Variants in SEPTIN7 observed in about 807,000 individuals in gnomAD.
The protein encoded by SEPTIN7 is septin-7.
Under a neutral mutation model 63.3 loss-of-function variants are expected in SEPTIN7, and 10 were observed. That is an observed-to-expected ratio of 0.16 (90% CI 0.10 to 0.27). The LOEUF (loss-of-function observed/expected upper bound fraction) is 0.27. SEPTIN7 is among the 10% of genes least tolerant of loss of function. The pLI, the probability that SEPTIN7 is intolerant of heterozygous loss-of-function variation, is 1.00. For synonymous variants in SEPTIN7, 131 were observed against 165.3 expected (o/e 0.79, Z 1.59); for missense variants, 310 against 521.0 (o/e 0.59, Z 3.94).
At chr7:35,810,280 A>G (rs1788604794) in intron 1 of SEPTIN7, among the ~76,000 whole-genome samples, 1 of 151,898 alleles carries the variant, frequency 6.6e-6, no homozygotes, top group African/African-American at 2.4e-5. Context: ...TGTCCTTCAA[A>G]TATAGACTGA....
intron 12 of SEPTIN7, chr7:35,902,217 T>G (rs547941277): frequency 2.0e-5 from 3 of 149,612 alleles, no homozygotes; most frequent in Non-Finnish European, 4.5e-5. Flanking sequence ...TTTGTTGACT[T>G]TTTTTTTTTT....
At chr7:35,831,103 C>T (rs1783812743) in intron 1 of SEPTIN7, among the ~76,000 whole-genome samples, 1 of 152,040 alleles carries the variant, frequency 6.6e-6, no homozygotes, top group Admixed American at 6.6e-5. Context: ...CTTCCTGGAT[C>T]TTTATACTTT....
chr7:35,812,184 C>G (rs1788770138), intron 1 of SEPTIN7: 1 of 164,366 alleles, frequency 6.1e-6, no homozygotes, highest in African/African-American at 2.4e-5. Context: ...AACTCAACTT[C>G]AGCTGTGGGC....
chr7:35,825,258 T>TC, intron 1 of SEPTIN7, among the ~76,000 whole-genome samples: 2 of 152,314 alleles, frequency 1.3e-5, no homozygotes, highest in South Asian at 4.1e-4. Context: ...AAGTCTAAGT[T>TC]CCTAAGTATG....
rs1444134255 is a variant in SEPTIN7 at position 35,882,551 on chromosome 7, A to G, written c.698A>G (p.Glu233Gly). 1 of 1,487,246 alleles carries G rather than the reference A, an allele frequency of 6.7e-7. No homozygotes were observed. Among genetic ancestry groups the G allele is most frequent in the Non-Finnish European group, 9.0e-7 (1 of 1,109,888 alleles). 92.1% of individuals were successfully genotyped at this position (1,487,246 alleles called of 1,614,324 possible). ...TTTCCAGAAACAGATGATGAAGAAG[A>G]AAATAAACTTGTTAAAAAGATAAAG... is the stretch of plus-strand genomic sequence containing the variant. ...YEFPETDDEE[E>G]NKLVKKIKDR... The change falls in exon 8 of 14, where the codon GAA becomes GGA. Residue 233 changes from glutamate to glycine, a missense_variant. This residue lies in a region of SEPTIN7 where 255 missense variants were observed against 490.5 expected (regional missense o/e 0.52). Transcript: ENST00000350320.
intron 11 of SEPTIN7, among the ~76,000 whole-genome samples, chr7:35,897,509 A>AT (rs113823652): frequency 3.9e-4 from 58 of 148,200 alleles, no homozygotes; most frequent in Middle Eastern, 3.5e-3. Context: ...CAGAGTGAAC[A>AT]TTTTTTTTTT....
intron 3 of SEPTIN7, among the ~76,000 whole-genome samples, chr7:35,858,681 CTTTTTTT>C (rs376678701): frequency 3.9e-5 from 5 of 127,318 alleles, no homozygotes; most frequent in East Asian, 2.4e-4. Context: ...TTTTCTTTTT[CTTTTTTT>C]TTTTTTTTTG....
At chr7:35,853,479 C>T (rs1320501623) in intron 3 of SEPTIN7, among the ~76,000 whole-genome samples, 7 of 152,116 alleles carry the variant, frequency 4.6e-5, no homozygotes, top group Non-Finnish European at 1.0e-4. Context: ...ATGTTCCTTT[C>T]GCCTGCTCAG....
At chr7:35,847,464 T>C (rs1212347728) in intron 3 of SEPTIN7, 1 of 154,752 alleles carries the variant, frequency 6.5e-6, no homozygotes, top group Non-Finnish European at 1.5e-5. Flanking sequence ...GAAATCTCTT[T>C]TAAATGTCAA....
chr7:35,880,514 TC>T (rs906737997), intron 7 of SEPTIN7, among the ~76,000 whole-genome samples: 1 of 152,010 alleles, frequency 6.6e-6, no homozygotes, highest in African/African-American at 2.4e-5. Context: ...GTCATTTTTT[TC>T]CCCCTTTTTG....
At chr7:35,819,648 T>C (rs976409956) in intron 1 of SEPTIN7, among the ~76,000 whole-genome samples, 2 of 152,206 alleles carry the variant, frequency 1.3e-5, no homozygotes, top group Non-Finnish European at 2.9e-5. Context: ...AATTGTTCTA[T>C]CTTCTCAATG....
chr7:35,868,157 A>G (rs1785933743), intron 4 of SEPTIN7, among the ~76,000 whole-genome samples: 1 of 152,190 alleles, frequency 6.6e-6, no homozygotes, highest in African/African-American at 2.4e-5. Flanking sequence ...GGTGTGAGCC[A>G]CCGCACCCAG....
At chr7:35,884,746 A>G (rs921993636) in intron 9 of SEPTIN7, among the ~76,000 whole-genome samples, 3 of 152,266 alleles carry the variant, frequency 2.0e-5, no homozygotes, top group Admixed American at 2.0e-4. Context: ...AGAGTAAAAA[A>G]ATTTCGTTAA....
intron 1 of SEPTIN7, among the ~76,000 whole-genome samples, chr7:35,822,108 C>A (rs1789455272): frequency 6.6e-6 from 1 of 151,062 alleles, no homozygotes; most frequent in Non-Finnish European, 1.5e-5. Context: ...GAGACAGAGT[C>A]TCGCTCTGTC....
At chr7:35,845,990 G>A (rs1280918471) in intron 3 of SEPTIN7, among the ~76,000 whole-genome samples, 1 of 151,878 alleles carries the variant, frequency 6.6e-6, no homozygotes, top group Non-Finnish European at 1.5e-5. Context: ...CAGATATTCA[G>A]ATATATGGCT....
chr7:35,828,233 A>G (rs1783617470), intron 1 of SEPTIN7, among the ~76,000 whole-genome samples: 1 of 152,106 alleles, frequency 6.6e-6, no homozygotes, highest in Non-Finnish European at 1.5e-5. Flanking sequence ...TCCAAATTTT[A>G]TCAGTATGTC....
In SEPTIN7 at chr7:35,885,874, G is replaced by A; in HGVS notation, c.867G>A (p.Leu289=). 1 of 1,596,782 alleles carries A rather than the reference G, an allele frequency of 6.3e-7. No individual in the cohort carries two copies. Among genetic ancestry groups the A allele is most frequent in the Non-Finnish European group, 8.6e-7 (1 of 1,166,380 alleles). The change falls in exon 10 of 14, where the codon TTG becomes TTA. Residue 289 remains leucine (L), a synonymous_variant. Coordinates refer to ENST00000350320, the MANE Select transcript of SEPTIN7 (RefSeq NM_001788.6). ...ATTTTACAATCCTAAGAAATATGTTGATAAGGTAAGTGCAAGCAATGATGG... is the reference window on the plus strand; with the variant it reads ...ATTTTACAATCCTAAGAAATATGTTAATAAGGTAAGTGCAAGCAATGATGG... The part of the protein sequence containing the change: ...HCDFTILRNM[L]IRTHMQDLKD...
chr7:35,850,286 A>G (rs1784897455), intron 3 of SEPTIN7, among the ~76,000 whole-genome samples: 1 of 152,204 alleles, frequency 6.6e-6, no homozygotes, highest in South Asian at 2.1e-4. Flanking sequence ...TTAATTAATA[A>G]AGTAGGTATC....
At chr7:35,849,626 G>A (rs1294811190) in intron 3 of SEPTIN7, among the ~76,000 whole-genome samples, 10 of 151,988 alleles carry the variant, frequency 6.6e-5, no homozygotes, top group African/African-American at 2.2e-4. Flanking sequence ...AAAGAATAGC[G>A]CCCTCCCTTG....
Sources: allele counts gnomAD v4.1 joint callset (sites outside exome capture counted in the v4.1 genomes callset), GRCh38; gene constraint gnomAD v4.1.1; regional missense constraint gnomAD v4.1.1; transcripts MANE v1.5; gene names NCBI Gene and HGNC (gene_info 2026-07-23, HGNC 2026-07-21).